The following CDC42BPA variants were observed in gnomAD, a reference collection of about 807,000 sequenced individuals.
The protein encoded by CDC42BPA is CDC42 binding protein kinase alpha.
Under a neutral mutation model 223.5 loss-of-function variants are expected in CDC42BPA, and 80 were observed. That is an observed-to-expected ratio of 0.36 (90% CI 0.30 to 0.43). CDC42BPA has a LOEUF of 0.43. Ranked by LOEUF, CDC42BPA falls within the 20% of genes least tolerant of loss-of-function variation. The pLI is 1.00. For missense variants in CDC42BPA, 1,743 were observed against 2,099.9 expected (o/e 0.83, Z 3.32); for synonymous variants, 694 against 718.6 (o/e 0.97, Z 0.55).
chr1:227,000,495 G>C (rs1245981127), intron 35 of CDC42BPA, among the ~76,000 whole-genome samples: 1 of 152,150 alleles, frequency 6.6e-6, no homozygotes, highest in African/African-American at 2.4e-5. Context: ...TACTAATGGT[G>C]TGACCTTAAG....
intron 6 of CDC42BPA, among the ~76,000 whole-genome samples, chr1:227,151,587 A>T (rs1571999776): frequency 6.6e-6 from 1 of 152,126 alleles, no homozygotes; most frequent in Admixed American, 6.6e-5. Flanking sequence ...TCCCACCAAC[A>T]GTGCCCAAGG....
intron 15 of CDC42BPA, among the ~76,000 whole-genome samples, chr1:227,095,254 T>C (rs181579663): frequency 2.0e-5 from 3 of 152,338 alleles, no homozygotes; most frequent in African/African-American, 7.2e-5. Context: ...CTGTGATGTG[T>C]AGACTTCCTA....
chr1:227,002,098 TA>T (rs1386748951), intron 35 of CDC42BPA, among the ~76,000 whole-genome samples: 3 of 152,206 alleles, frequency 2.0e-5, no homozygotes, highest in Non-Finnish European at 2.9e-5. Flanking sequence ...CGTGGGAACT[TA>T]ATGTGTTTGT....
At chr1:227,315,117 C>T (rs920507572) in intron 1 of CDC42BPA, among the ~76,000 whole-genome samples, 1 of 152,032 alleles carries the variant, frequency 6.6e-6, no homozygotes, top group African/African-American at 2.4e-5. Flanking sequence ...CTACTCACTA[C>T]GCAACTCCTG....
chr1:227,203,119 C>G (rs34897490), intron 3 of CDC42BPA, among the ~76,000 whole-genome samples: 18,090 of 152,108 alleles, frequency 0.12, 1,309 homozygotes, highest in South Asian at 0.23. Flanking sequence ...TCCCCTAGCA[C>G]CACACACACA....
chr1:227,149,834 G>C (rs1365460561), intron 6 of CDC42BPA, among the ~76,000 whole-genome samples: 1 of 152,180 alleles, frequency 6.6e-6, no homozygotes, highest in East Asian at 1.9e-4. Flanking sequence ...TGAGATAAAA[G>C]AGAGAATAGT....
At chr1:227,273,995 C>CA (rs10599884) in intron 1 of CDC42BPA, among the ~76,000 whole-genome samples, 5,025 of 56,912 alleles carry the variant, frequency 0.088, 643 homozygotes, top group Non-Finnish European at 0.12. Context: ...TCGTATACAC[C>CA]AAAAAAAAAA....
chr1:227,304,295 A>T (rs910247349), intron 1 of CDC42BPA, among the ~76,000 whole-genome samples: 6 of 152,086 alleles, frequency 3.9e-5, no homozygotes, highest in Admixed American at 1.3e-4. Context: ...AGTCCCAGCT[A>T]CTCAGGAGGC....
Position 227,074,259 on chromosome 1 carries a change from T to G in CDC42BPA, c.2586A>C (p.Thr862=), listed in dbSNP as rs945625538. The G allele has an allele frequency of 1.9e-6, 3 of 1,607,350 alleles. No homozygotes were observed. The highest frequency in any genetic ancestry group is 2.6e-6 in the Non-Finnish European group (3 of 1,174,498). The change falls in exon 18 of 37, where the codon ACA becomes ACC. Residue 862 remains threonine (T), a splice_region_variant and synonymous_variant. Transcript: ENST00000366766. The part of the protein sequence containing the change: ...LRNSSLGTRA[T]DMPWKMRRFA... ...TCCATGCAAAATCATAGAAGCTTAC[T>G]GTTGCTCGTGTACCCAAGCTGGAAT...
intron 5 of CDC42BPA, among the ~76,000 whole-genome samples, chr1:227,186,334 AT>A (rs1157815095): frequency 2.0e-5 from 3 of 152,226 alleles, no homozygotes; most frequent in African/African-American, 7.2e-5. Flanking sequence ...ATGCCAGAGT[AT>A]TCTCTTCTTA....
chr1:227,069,307 T>G (rs928853315), intron 21 of CDC42BPA: 1 of 152,248 alleles, frequency 6.6e-6, no homozygotes, highest in African/African-American at 2.4e-5. Context: ...CTGTGTGATA[T>G]GCCTAACAGA....
chr1:227,230,027 G>A (rs1677533263), intron 2 of CDC42BPA, among the ~76,000 whole-genome samples: 1 of 152,164 alleles, frequency 6.6e-6, no homozygotes, highest in African/African-American at 2.4e-5. Context: ...ACACCTAAAG[G>A]TGATAGGCCT....
intron 2 of CDC42BPA, among the ~76,000 whole-genome samples, chr1:227,215,444 T>C (rs189797372): frequency 1.3e-5 from 2 of 152,264 alleles, no homozygotes; most frequent in Admixed American, 1.3e-4. Context: ...TGGTAAAGAT[T>C]TGAAAAATTA....
chr1:227,210,229 ATAT>A (rs1673631324), intron 3 of CDC42BPA, among the ~76,000 whole-genome samples: 1 of 152,206 alleles, frequency 6.6e-6, no homozygotes, highest in Admixed American at 6.5e-5. Context: ...TCCTTTGGGT[ATAT>A]ACCCAGTAAT....
chr1:227,165,098 A>G (rs1664798742), intron 5 of CDC42BPA, among the ~76,000 whole-genome samples: 1 of 152,216 alleles, frequency 6.6e-6, no homozygotes, highest in African/African-American at 2.4e-5. Flanking sequence ...GGAGTACATA[A>G]AAGTAGAAAA....
intron 12 of CDC42BPA, among the ~76,000 whole-genome samples, chr1:227,117,871 T>C (rs1166969711): frequency 1.3e-5 from 2 of 151,868 alleles, no homozygotes; most frequent in African/African-American, 4.8e-5. Context: ...TTGTAACACA[T>C]ATAACTCACA....
chr1:227,196,338 C>CTTTTTTTTTTTTTTTTCTTTT (rs1553388919), intron 4 of CDC42BPA, among the ~76,000 whole-genome samples: 4,325 of 91,610 alleles, frequency 0.047, 471 homozygotes, highest in South Asian at 0.083. Flanking sequence ...TTAAACAATA[C>CTTTTTTTTTTTTTTTTCTTTT]TTTTTTTTTT....
chr1:227,112,461 A>G (rs1687089525), intron 13 of CDC42BPA, 39 bp from the exon 14 acceptor site: 5 of 1,441,982 alleles, frequency 3.5e-6, no homozygotes, highest in Non-Finnish European at 4.7e-6. Context: ...TCACGGTTAT[A>G]ATTTTTTTCC....
chr1:227,040,254 A>G lies in CDC42BPA; in HGVS notation c.3094-18T>C. 7.0e-7 allele frequency: 1 copy of G among 1,435,774 alleles called. No individual in the cohort carries two copies. The highest frequency in any genetic ancestry group is 1.1e-5 in the South Asian group (1 of 87,270). 88.9% of individuals were successfully genotyped at this position (1,435,774 alleles called of 1,614,324 possible). A position where few individuals can be genotyped will look rare whatever the true frequency, so the allele number is the denominator to read the frequency against. Reference sequence around the variant, plus strand: ...GTCTTGCGCTGCAAAACAAATTGATAAAAAAACACACAGATTGTTTAAAAG... The same window carrying G: ...GTCTTGCGCTGCAAAACAAATTGATGAAAAAACACACAGATTGTTTAAAAG... On this transcript the variant is annotated intron_variant, in intron 23 of 36. Coordinates refer to ENST00000366766, the MANE Select transcript of CDC42BPA (RefSeq NM_001394014.1).
Sources: gnomAD v4.1 joint callset for allele counts (sites outside exome capture counted in the v4.1 genomes callset) on GRCh38, gnomAD v4.1.1 for gene constraint, MANE v1.5 for transcripts, NCBI Gene and HGNC (gene_info 2026-07-23, HGNC 2026-07-21) for gene names.